Variants in DPP10 observed in about 807,000 individuals in gnomAD.
The protein encoded by DPP10 is inactive dipeptidyl peptidase 10.
A neutral mutation model predicts 120.9 loss-of-function variants in DPP10; 33 were observed. The observed-to-expected ratio is 0.27, with a 90% CI of 0.21 to 0.37. DPP10 has a LOEUF of 0.37. Ranked by LOEUF, DPP10 falls within the 10% of genes least tolerant of loss-of-function variation. The pLI, the probability that DPP10 is intolerant of heterozygous loss-of-function variation, is 1.00. For missense variants in DPP10, 816 were observed against 942.8 expected (o/e 0.87, Z 1.76); for synonymous variants, 337 against 326.1 (o/e 1.03, Z -0.36).
chr2:114,632,421 A>G (rs542989429), intron 1 of DPP10, among the ~76,000 whole-genome samples: 18 of 151,506 alleles, frequency 1.2e-4, no homozygotes, highest in African/African-American at 4.3e-4. Context: ...TGTATTTATC[A>G]GAGAGTTTTT....
chr2:115,307,181 A>G (rs1447022793), intron 1 of DPP10, among the ~76,000 whole-genome samples: 1 of 152,124 alleles, frequency 6.6e-6, no homozygotes, highest in East Asian at 1.9e-4. Flanking sequence ...TTGCAAATCT[A>G]AAATATTTCA....
chr2:114,996,047 A>G (rs1701062470), intron 1 of DPP10, among the ~76,000 whole-genome samples: 1 of 152,200 alleles, frequency 6.6e-6, no homozygotes, highest in Non-Finnish European at 1.5e-5. Flanking sequence ...CTCATGAAGG[A>G]CTTTTCATTC....
intron 1 of DPP10, among the ~76,000 whole-genome samples, chr2:114,699,368 C>T (rs1700255071): frequency 1.3e-5 from 2 of 151,990 alleles, no homozygotes; most frequent in Non-Finnish European, 2.9e-5. Flanking sequence ...TAATTTAATT[C>T]ACAGACATAA....
intron 7 of DPP10, among the ~76,000 whole-genome samples, chr2:115,705,994 GA>G (rs148048025): frequency 0.013 from 2,018 of 151,394 alleles, 49 homozygotes; most frequent in African/African-American, 0.047. Flanking sequence ...TAATGGGGGG[GA>G]AAAAAACAGG....
chr2:115,536,854 AT>A (rs995181642), intron 5 of DPP10, among the ~76,000 whole-genome samples: 5 of 152,058 alleles, frequency 3.3e-5, no homozygotes, highest in African/African-American at 4.8e-5. Flanking sequence ...TTTAAAAAAA[AT>A]AAACACCTTC....
At position 114,993,580 on chromosome 2, in the gene DPP10, G is replaced by GTATATATATATATATATATATA. The variant is rs59593945; in HGVS notation, c.61-315653_61-315632dup. The stretch of plus-strand genomic sequence containing the variant: ...ATTCTTATTATGTGTGTGTGTGTGT[G>GTATATATATATATATATATATA]TATATATATATATATATATATATAT... On this transcript the variant is annotated intron_variant, in intron 1 of 25. Transcript: ENST00000410059. Among the ~76,000 whole-genome samples, 629 of 97,164 alleles carry GTATATATATATATATATATATA rather than the reference G, an allele frequency of 6.5e-3. 21 individuals are homozygous for GTATATATATATATATATATATA. The highest frequency in any genetic ancestry group is 9.3e-3 in the Non-Finnish European group (462 of 49,554). 63.7% of individuals were successfully genotyped at this position (97,164 alleles called of 152,430 possible).
intron 1 of DPP10, among the ~76,000 whole-genome samples, chr2:114,994,659 G>T (rs1421125426): frequency 2.6e-5 from 4 of 152,086 alleles, no homozygotes; most frequent in African/African-American, 7.2e-5. Context: ...GTCATGTGCT[G>T]TCCTAGAGTT....
chr2:114,685,558 A>T (rs1408982217), intron 1 of DPP10, among the ~76,000 whole-genome samples: 1 of 151,936 alleles, frequency 6.6e-6, no homozygotes, highest in Non-Finnish European at 1.5e-5. Flanking sequence ...CCCATTTGAT[A>T]TCCTATAATC....
At chr2:115,240,271 C>T (rs1574126012) in intron 1 of DPP10, among the ~76,000 whole-genome samples, 5 of 152,240 alleles carry the variant, frequency 3.3e-5, no homozygotes, top group Non-Finnish European at 1.5e-5. Context: ...TCTGTTATTT[C>T]CTGACTTTTT....
chr2:115,499,287 G>T (rs1473930437), intron 3 of DPP10, among the ~76,000 whole-genome samples: 2 of 152,008 alleles, frequency 1.3e-5, no homozygotes, highest in African/African-American at 2.4e-5. Flanking sequence ...AACCTGAGTG[G>T]CCCTCATACT....
In DPP10 at chr2:115,396,653, C is replaced by G. The variant is rs2067700271; in HGVS notation, c.271+52741C>G. ...AAAACAGCATGCAATGTTTGTAGCT[C>G]CCATTGTGTTAGCTTTTTACTGTCC... On this transcript the variant is annotated intron_variant, in intron 3 of 25. Coordinates refer to ENST00000410059, the MANE Select transcript of DPP10 (RefSeq NM_020868.6). 2.0e-5 allele frequency among the ~76,000 whole-genome samples: 3 copies of G among 152,128 alleles called. No individual in the cohort carries two copies. In the South Asian group the frequency reaches 6.2e-4, roughly 32 times the overall value.
intron 3 of DPP10, among the ~76,000 whole-genome samples, chr2:115,405,620 A>C (rs2068448960): frequency 6.6e-6 from 1 of 152,144 alleles, no homozygotes; most frequent in Non-Finnish European, 1.5e-5. Context: ...CAGTTTGACA[A>C]AAACTTTGAA....
chr2:114,899,338 AAC>A lies in DPP10; in HGVS notation c.61-409899_61-409898del. On this transcript the variant is annotated intron_variant, in intron 1 of 25. Coordinates refer to ENST00000410059, the MANE Select transcript of DPP10 (RefSeq NM_020868.6). ...AGACAACCACGAAAAAAATGCATTA[AAC>A]ATTGATGTAAAAATTAACAGTTGGA... is the stretch of plus-strand genomic sequence containing the variant. Among the ~76,000 whole-genome samples the A allele has an allele frequency of 3.9e-5, 6 of 152,202 alleles. 1 individual carries two copies. Among genetic ancestry groups the A allele is most frequent in the African/African-American group, 1.4e-4 (6 of 41,542 alleles).
At chr2:115,530,478 G>C (rs1010077691) in intron 5 of DPP10, among the ~76,000 whole-genome samples, 3 of 151,942 alleles carry the variant, frequency 2.0e-5, no homozygotes, top group African/African-American at 7.2e-5. Flanking sequence ...ACAGGAGTTT[G>C]AGACCAGCCT....
chr2:115,027,240 G>T (rs964293966), intron 1 of DPP10, among the ~76,000 whole-genome samples: 1 of 152,168 alleles, frequency 6.6e-6, no homozygotes, highest in East Asian at 1.9e-4. Flanking sequence ...ATTTTGCAGA[G>T]TCTTTATGTT....
chr2:115,082,654 T>C (rs993870816), intron 1 of DPP10, among the ~76,000 whole-genome samples: 1 of 152,182 alleles, frequency 6.6e-6, no homozygotes, highest in African/African-American at 2.4e-5. Context: ...GAACTTCACA[T>C]CTAATAAATT....
intron 1 of DPP10, among the ~76,000 whole-genome samples, chr2:115,196,289 C>T (rs1343672667): frequency 2.0e-5 from 3 of 152,194 alleles, no homozygotes; most frequent in East Asian, 3.9e-4. Flanking sequence ...AGACATTAAA[C>T]GTTTAACAGG....
intron 5 of DPP10, among the ~76,000 whole-genome samples, chr2:115,648,977 G>A (rs905494859): frequency 6.6e-6 from 1 of 152,114 alleles, no homozygotes; most frequent in Non-Finnish European, 1.5e-5. Context: ...GGCAGGACTG[G>A]CACAGGTGAG....
At chr2:115,636,186 T>C (rs2149334303) in intron 5 of DPP10, among the ~76,000 whole-genome samples, 1 of 151,366 alleles carries the variant, frequency 6.6e-6, no homozygotes, top group African/African-American at 2.4e-5. Context: ...TATGATGGTA[T>C]GCTTTGCGAG....
Sources: gnomAD v4.1 joint callset for allele counts (sites outside exome capture counted in the v4.1 genomes callset) on GRCh38, gnomAD v4.1.1 for gene constraint, MANE v1.5 for transcripts, NCBI Gene and HGNC (gene_info 2026-07-23, HGNC 2026-07-21) for gene names.